The following ZNF487 variants were observed in gnomAD, a reference collection of about 807,000 sequenced individuals.
The protein encoded by ZNF487 is KRAB domain only 1.
In ZNF487, 4 loss-of-function variants were observed where a neutral mutation model predicts 3.0. That is an observed-to-expected ratio of 1.35 (90% confidence interval 0.66 to 3.08). The LOEUF (loss-of-function observed/expected upper bound fraction) is 3.08, where lower values mean the gene tolerates loss of function less well. Among genes scored for constraint, ZNF487 ranks in the 30% most tolerant of loss-of-function variants. ZNF487 has a pLI of 0.01. For synonymous variants in ZNF487, 55 were observed against 34.6 expected (o/e 1.59, Z -2.06); for missense variants, 146 against 98.7 (o/e 1.48, Z -2.03).
rs1276723800 is a variant in ZNF487 at position 43,482,293 on chromosome 10, T to C, written c.*371T>C. The C allele has an allele frequency of 2.5e-6, 1 of 396,304 alleles. No individual in the cohort carries two copies. Among genetic ancestry groups the C allele is most frequent in the Non-Finnish European group, 4.9e-6 (1 of 204,440 alleles). 24.5% of individuals were successfully genotyped at this position (396,304 alleles called of 1,614,324 possible). ...CATTTTGCTGTAAGCCAAAGCATTC[T>C]GTATATCAGAAAACAGATACAGAAG... On this transcript the variant is annotated 3_prime_UTR_variant, in exon 4 of 4. Transcript: ENST00000437590.
chr10:43,468,486 C>G (rs1438712617), intron 1 of ZNF487, among the ~76,000 whole-genome samples: 1 of 151,086 alleles, frequency 6.6e-6, no homozygotes, highest in Non-Finnish European at 1.5e-5. Context: ...TTGAGACCAG[C>G]CTGACCAACA....
the ZNF487 span, among the ~76,000 whole-genome samples, chr10:43,517,760 C>A: frequency 6.6e-6 from 1 of 152,138 alleles, no homozygotes; most frequent in South Asian, 2.1e-4. Flanking sequence ...GAGCCACACC[C>A]GAGCCCTCTG....
chr10:43,504,639 G>T, the ZNF487 span, among the ~76,000 whole-genome samples: 13 of 151,266 alleles, frequency 8.6e-5, no homozygotes, highest in Non-Finnish European at 1.6e-4. Flanking sequence ...TTTCTTTTAT[G>T]AAATAACTTT....
chr10:43,501,745 A>C, the ZNF487 span, among the ~76,000 whole-genome samples: 3 of 150,712 alleles, frequency 2.0e-5, no homozygotes, highest in East Asian at 3.9e-4. Flanking sequence ...CTGTCTCAAA[A>C]AAAAACAAAA....
chr10:43,499,882 C>T, the ZNF487 span, among the ~76,000 whole-genome samples: 3 of 151,862 alleles, frequency 2.0e-5, no homozygotes, highest in East Asian at 3.9e-4. Context: ...TCATCTATTT[C>T]ATTTTATTTT....
the ZNF487 span, among the ~76,000 whole-genome samples, chr10:43,491,991 T>A: frequency 4.6e-5 from 7 of 151,704 alleles, no homozygotes; most frequent in East Asian, 1.3e-3. Flanking sequence ...TGAAGTGCAA[T>A]GGTGTGATCA....
At chr10:43,504,207 G>A in the ZNF487 span, among the ~76,000 whole-genome samples, 6 of 149,702 alleles carry the variant, frequency 4.0e-5, no homozygotes, top group Non-Finnish European at 7.4e-5. Flanking sequence ...TGTGGTTTTT[G>A]TTTTGTATAT....
At chr10:43,463,240 A>G (rs1026799679) in intron 1 of ZNF487, among the ~76,000 whole-genome samples, 5 of 150,270 alleles carry the variant, frequency 3.3e-5, no homozygotes, top group African/African-American at 9.8e-5. Flanking sequence ...ATCTCAAAAA[A>G]AAAAATTTTC....
At chr10:43,470,637 G>T (rs569764908) in intron 1 of ZNF487, among the ~76,000 whole-genome samples, 1 of 151,574 alleles carries the variant, frequency 6.6e-6, no homozygotes, top group Non-Finnish European at 1.5e-5. Context: ...CACCTGCCTC[G>T]GCCTTCCAAA....
intron 1 of ZNF487, among the ~76,000 whole-genome samples, chr10:43,470,247 C>T (rs1395113206): frequency 1.3e-5 from 2 of 152,040 alleles, no homozygotes; most frequent in Non-Finnish European, 2.9e-5. Flanking sequence ...GTGTTTTACT[C>T]TGTTGCCCAG....
upstream of ZNF487, chr10:43,437,006 C>T (rs1839408489): frequency 2.6e-6 from 1 of 391,498 alleles, no homozygotes; most frequent in Admixed American, 2.9e-5. Flanking sequence ...AGGGCCGAGC[C>T]CCCGCTAGGC....
chr10:43,498,099 ATT>A, the ZNF487 span, among the ~76,000 whole-genome samples: 21 of 20,176 alleles, frequency 1.0e-3, no homozygotes, highest in Admixed American at 1.8e-3. Flanking sequence ...ATATATATAT[ATT>A]TTTTTTTTTT....
chr10:43,519,082 C>T, the ZNF487 span, among the ~76,000 whole-genome samples: 14 of 149,008 alleles, frequency 9.4e-5, no homozygotes, highest in African/African-American at 3.3e-4. Context: ...TTCTAGCTCT[C>T]TCAAAAATTT....
At chr10:43,475,431 C>A (rs1448234141) in intron 1 of ZNF487, among the ~76,000 whole-genome samples, 1 of 151,770 alleles carries the variant, frequency 6.6e-6, no homozygotes, top group Non-Finnish European at 1.5e-5. Context: ...GGCAGAATCG[C>A]TTGTGCCCCA....
rs947757258 is a variant in ZNF487, at chr10:43,437,136, G to C, written c.-220G>C. ...AGGGAGCGCTGCGGCAGTTTCCATG[G>C]TGAGATGGTCAACAAGCCTGTAAGT... is the stretch of plus-strand genomic sequence containing the variant. On this transcript the variant is annotated 5_prime_UTR_variant, in exon 1 of 4. Transcript: ENST00000437590. The C allele has an allele frequency of 2.0e-4, 59 of 297,972 alleles. No homozygotes were observed. Among genetic ancestry groups the C allele is most frequent in the African/African-American group, 1.4e-3 (58 of 42,332 alleles). 18.5% of individuals were successfully genotyped at this position (297,972 alleles called of 1,614,324 possible).
chr10:43,479,684 G>C (rs769897097), intron 3 of ZNF487, among the ~76,000 whole-genome samples: 19 of 151,952 alleles, frequency 1.3e-4, no homozygotes, highest in Non-Finnish European at 2.6e-4. Flanking sequence ...GTCTCACTCT[G>C]TTGCCCAGGC....
At chr10:43,493,709 A>AAAAAAAAAAATATAT in the ZNF487 span, among the ~76,000 whole-genome samples, 3 of 43,702 alleles carry the variant, frequency 6.9e-5, no homozygotes, top group African/African-American at 2.6e-4. Context: ...AAAAAAAAAA[A>AAAAAAAAAAATATAT]ATATATATAT....
At chr10:43,509,803 C>T in the ZNF487 span, among the ~76,000 whole-genome samples, 4 of 152,034 alleles carry the variant, frequency 2.6e-5, no homozygotes, top group Admixed American at 2.0e-4. Flanking sequence ...TTTGGCAACC[C>T]CCTCACAGAC....
intron 1 of ZNF487, among the ~76,000 whole-genome samples, chr10:43,457,881 G>T (rs1840275446): frequency 6.6e-6 from 1 of 151,920 alleles, no homozygotes; most frequent in South Asian, 2.1e-4. Flanking sequence ...AATTAGCTGG[G>T]TGTGGTGGCG....
Sources: allele counts gnomAD v4.1 joint callset (sites outside exome capture counted in the v4.1 genomes callset), GRCh38; gene constraint gnomAD v4.1.1; transcripts MANE v1.5; gene names NCBI Gene and HGNC (gene_info 2026-07-23, HGNC 2026-07-21).